Variants in TMEM178B observed in about 807,000 individuals in gnomAD.
TMEM178B encodes transmembrane protein 178B.
Under a neutral mutation model 31.0 loss-of-function variants are expected in TMEM178B, and 5 were observed. That is an observed-to-expected ratio of 0.16 (90% CI 0.08 to 0.34). The LOEUF (loss-of-function observed/expected upper bound fraction) is 0.34, where lower values mean the gene tolerates loss of function less well. TMEM178B is among the 10% of genes least tolerant of loss of function. The pLI, the probability that TMEM178B is intolerant of heterozygous loss-of-function variation, is 1.00. For synonymous variants in TMEM178B, 164 were observed against 164.0 expected, an observed-to-expected ratio of 1.00 and a Z score of 0.00; for missense variants, 275 against 400.3, an observed-to-expected ratio of 0.69 and a Z score of 2.67.
chr7:141,141,832 G>A (rs1563098594), intron 1 of TMEM178B, among the ~76,000 whole-genome samples: 1 of 152,184 alleles, frequency 6.6e-6, no homozygotes, highest in African/African-American at 2.4e-5. Flanking sequence ...AAAGCTGAAT[G>A]TATGAAATTG....
At chr7:141,392,158 A>G (rs1384187310) in intron 2 of TMEM178B, among the ~76,000 whole-genome samples, 1 of 152,146 alleles carries the variant, frequency 6.6e-6, no homozygotes, top group Non-Finnish European at 1.5e-5. Context: ...TTATATACTG[A>G]TCACTCAGAT....
intron 2 of TMEM178B, among the ~76,000 whole-genome samples, chr7:141,264,943 A>C (rs771597654): frequency 1.3e-5 from 2 of 152,226 alleles, no homozygotes; most frequent in Non-Finnish European, 2.9e-5. Context: ...GCACTGTTAC[A>C]TTATTTACCA....
chr7:141,217,237 C>G (rs918953068), intron 2 of TMEM178B, among the ~76,000 whole-genome samples: 1 of 152,222 alleles, frequency 6.6e-6, no homozygotes, highest in Non-Finnish European at 1.5e-5. Flanking sequence ...TCCCCAGTAG[C>G]TCTGCTCTTG....
chr7:141,422,740 G>A lies in TMEM178B; in HGVS notation c.497-14868G>A, dbSNP rs1586949834. On this transcript the variant is annotated intron_variant, in intron 2 of 3. Coordinates refer to ENST00000565468, the MANE Select transcript of TMEM178B (RefSeq NM_001195278.2). The surrounding 1 kb of genome is among the most constrained non-coding windows in gnomAD (Gnocchi z 4.2). The stretch of plus-strand genomic sequence containing the variant: ...GCCAGCTACCACCAGCTTGAGACGT[G>A]CAGTGGCTGGAGTGGGGAAGCTCCC... Among the ~76,000 whole-genome samples the A allele has an allele frequency of 6.6e-6, 1 of 152,202 alleles. No individual in the cohort carries two copies. The highest frequency in any genetic ancestry group is 1.5e-5 in the Non-Finnish European group (1 of 68,042).
intron 2 of TMEM178B, among the ~76,000 whole-genome samples, chr7:141,285,879 G>T (rs1052034546): frequency 6.6e-6 from 1 of 152,142 alleles, no homozygotes; most frequent in African/African-American, 2.4e-5. Flanking sequence ...ACTCATAAGT[G>T]GGAGTTGAAC....
intron 1 of TMEM178B, among the ~76,000 whole-genome samples, chr7:141,120,338 A>G (rs1213598600): frequency 1.3e-5 from 2 of 152,204 alleles, no homozygotes; most frequent in Non-Finnish European, 2.9e-5. Flanking sequence ...TAGTTTTTTA[A>G]AAAATGGTGG....
At chr7:141,180,445 C>G (rs1221896025) in intron 1 of TMEM178B, among the ~76,000 whole-genome samples, 3 of 110,560 alleles carry the variant, frequency 2.7e-5, no homozygotes, top group African/African-American at 3.6e-5. Context: ...CTGAGAGAGA[C>G]AGAGAGAGAG....
intron 2 of TMEM178B, among the ~76,000 whole-genome samples, chr7:141,423,527 C>T (rs192903543): frequency 6.6e-6 from 1 of 152,164 alleles, no homozygotes; most frequent in Non-Finnish European, 1.5e-5. Context: ...TTAGACTCTT[C>T]AGCTTTAGAA....
chr7:141,435,611 A>G (rs1447850253), intron 2 of TMEM178B, among the ~76,000 whole-genome samples: 2 of 152,182 alleles, frequency 1.3e-5, no homozygotes, highest in Admixed American at 6.5e-5. Flanking sequence ...AGATGATTCA[A>G]TAAGAAGGGG....
intron 1 of TMEM178B, among the ~76,000 whole-genome samples, chr7:141,139,766 GTT>G (rs111634848): frequency 6.9e-6 from 1 of 144,766 alleles, no homozygotes; most frequent in Admixed American, 6.9e-5. Context: ...TTAGAATGAA[GTT>G]TTTTTTTTTT....
intron 2 of TMEM178B, among the ~76,000 whole-genome samples, chr7:141,321,735 A>G (rs1485573336): frequency 3.3e-5 from 5 of 152,134 alleles, no homozygotes; most frequent in Admixed American, 3.3e-4. Context: ...CAATCTTGGC[A>G]GCCCATTGGA....
intron 1 of TMEM178B, among the ~76,000 whole-genome samples, chr7:141,158,499 A>G (rs1796112670): frequency 6.6e-6 from 1 of 152,216 alleles, no homozygotes; most frequent in Non-Finnish European, 1.5e-5. Context: ...TAAGAACACA[A>G]TAGGTGCTTA....
At chr7:141,166,394 C>T (rs1796261456) in intron 1 of TMEM178B, among the ~76,000 whole-genome samples, 1 of 152,214 alleles carries the variant, frequency 6.6e-6, no homozygotes, top group Non-Finnish European at 1.5e-5. Context: ...TTGAGTAGTT[C>T]ACACCAGCGT....
At chr7:141,193,879 A>T (rs980803990) in intron 1 of TMEM178B, among the ~76,000 whole-genome samples, 1 of 152,146 alleles carries the variant, frequency 6.6e-6, no homozygotes, top group Admixed American at 6.5e-5. Flanking sequence ...GACTCCTCAT[A>T]TTGCCATTCC....
chr7:141,382,044 T>C (rs1800325710), intron 2 of TMEM178B, among the ~76,000 whole-genome samples: 1 of 152,184 alleles, frequency 6.6e-6, no homozygotes, highest in Admixed American at 6.5e-5. Flanking sequence ...TGGATTCTCC[T>C]CTCCCATTCA....
chr7:141,183,797 A>T (rs1796567289), intron 1 of TMEM178B, among the ~76,000 whole-genome samples: 1 of 152,232 alleles, frequency 6.6e-6, no homozygotes, highest in African/African-American at 2.4e-5. Flanking sequence ...TTGAGAAATA[A>T]GAGCATTTTC....
chr7:141,243,235 G>A (rs1170402636), intron 2 of TMEM178B, among the ~76,000 whole-genome samples: 2 of 152,116 alleles, frequency 1.3e-5, no homozygotes, highest in African/African-American at 4.8e-5. Flanking sequence ...GTCAGCCTGG[G>A]ACTCTGTGTG....
the TMEM178B span, among the ~76,000 whole-genome samples, chr7:141,507,019 A>G: frequency 6.6e-6 from 1 of 152,178 alleles, no homozygotes; most frequent in Non-Finnish European, 1.5e-5. Context: ...GGCAACACTG[A>G]TACAAGAGGT....
In TMEM178B at chr7:141,086,181, G is replaced by A. The variant is rs1016246850; in HGVS notation, c.382+11489G>A. 2.4e-4 allele frequency among the ~76,000 whole-genome samples: 37 copies of A among 151,502 alleles called. 1 individual carries two copies. Among genetic ancestry groups the A allele is most frequent in the Middle Eastern group, 3.4e-3 (1 of 294 alleles). On this transcript the variant is annotated intron_variant, in intron 1 of 3. Coordinates refer to ENST00000565468, the MANE Select transcript of TMEM178B (RefSeq NM_001195278.2). ...CTGCTGAGTAGCTGGGACTACAGGCGCCTGCCACCACTGCTGGCTAATTTT... is the reference window on the plus strand; with the variant it reads ...CTGCTGAGTAGCTGGGACTACAGGCACCTGCCACCACTGCTGGCTAATTTT...
Sources: allele counts gnomAD v4.1 joint callset (sites outside exome capture counted in the v4.1 genomes callset), GRCh38; gene constraint gnomAD v4.1.1; non-coding constraint Gnocchi (gnomAD v3.1); transcripts MANE v1.5; gene names NCBI Gene and HGNC (gene_info 2026-07-23, HGNC 2026-07-21).